Variants in BCL2 observed in about 807,000 individuals in gnomAD.
BCL2 encodes apoptosis regulator Bcl-2.
Under a neutral mutation model 14.2 loss-of-function variants are expected in BCL2, and 1 was observed. That is an observed-to-expected ratio of 0.07 (90% CI 0.02 to 0.33). The LOEUF (loss-of-function observed/expected upper bound fraction) is 0.33. BCL2 is among the 10% of genes least tolerant of loss of function. The pLI is 0.99. For synonymous variants in BCL2, 151 were observed against 137.2 expected, an observed-to-expected ratio of 1.10 and a Z score of -0.70; for missense variants, 247 against 305.9, an observed-to-expected ratio of 0.81 and a Z score of 1.44.
intron 2 of BCL2, among the ~76,000 whole-genome samples, chr18:63,268,563 C>G (rs1195966790): frequency 6.6e-6 from 1 of 152,182 alleles, no homozygotes; most frequent in Admixed American, 6.5e-5. Context: ...CTCCAAACCT[C>G]CTTCTGGCTC....
At chr18:63,175,170 T>C (rs1341224073) in intron 2 of BCL2, among the ~76,000 whole-genome samples, 1 of 152,158 alleles carries the variant, frequency 6.6e-6, no homozygotes. Context: ...CTAGCATTCA[T>C]GAAAAAATAC....
chr18:63,164,432 T>C (rs1386163622), intron 2 of BCL2, among the ~76,000 whole-genome samples: 1 of 152,200 alleles, frequency 6.6e-6, no homozygotes, highest in South Asian at 2.1e-4. Flanking sequence ...GAAAACCTCA[T>C]CCTGGTGGTC....
chr18:63,278,639 A>G (rs1356952962), intron 2 of BCL2, among the ~76,000 whole-genome samples: 2 of 152,142 alleles, frequency 1.3e-5, no homozygotes, highest in Non-Finnish European at 1.5e-5. Flanking sequence ...TTGTCCTTGT[A>G]GAAGTTGGAC....
At chr18:63,162,968 C>A (rs138720985) in intron 2 of BCL2, among the ~76,000 whole-genome samples, 2 of 152,316 alleles carry the variant, frequency 1.3e-5, no homozygotes, top group Non-Finnish European at 2.9e-5. Flanking sequence ...GATCCTCTTG[C>A]CTCAACCTCC....
chr18:63,288,601 A>G (rs925653648), intron 2 of BCL2, among the ~76,000 whole-genome samples: 1 of 152,198 alleles, frequency 6.6e-6, no homozygotes, highest in Non-Finnish European at 1.5e-5. Context: ...TCTTTTGTCC[A>G]TATTTCAGAG....
At chr18:63,132,172 A>T (rs1472470012) in intron 2 of BCL2, among the ~76,000 whole-genome samples, 1 of 152,152 alleles carries the variant, frequency 6.6e-6, no homozygotes. Flanking sequence ...CCTGGCTTTG[A>T]TATTTTATTA....
chr18:63,155,284 C>A (rs2144612419), intron 2 of BCL2, among the ~76,000 whole-genome samples: 1 of 152,356 alleles, frequency 6.6e-6, no homozygotes, highest in East Asian at 1.9e-4. Context: ...AGGGCCACAG[C>A]ACGTCTCCTG....
At chr18:63,266,637 T>TCTCTCTCTCTCTCTCTCTCACACA (rs1491465885) in intron 2 of BCL2, among the ~76,000 whole-genome samples, 2 of 85,940 alleles carry the variant, frequency 2.3e-5, no homozygotes, top group African/African-American at 7.2e-5. Flanking sequence ...TCTCTCTCTC[T>TCTCTCTCTCTCTCTCTCTCACACA]CACACACACA....
In BCL2 at chr18:63,212,241, T is replaced by TGG. The variant is rs1910039528; in HGVS notation, c.586-83483_586-83482insCC. Among the ~76,000 whole-genome samples the TGG allele has an allele frequency of 1.3e-5, 2 of 151,224 alleles. 1 individual carries two copies. Among genetic ancestry groups the TGG allele is most frequent in the Non-Finnish European group, 3.0e-5 (2 of 67,636 alleles). ...CTCGGGAGGCTGAGGCGAGACAGAA[T>TGG]TGCTTGAACCCAGGAGGCAGAGGTT... On this transcript the variant is annotated intron_variant, in intron 2 of 2. Coordinates refer to ENST00000333681, the MANE Select transcript of BCL2 (RefSeq NM_000633.3).
At chr18:63,255,209 C>A (rs1387434397) in intron 2 of BCL2, among the ~76,000 whole-genome samples, 1 of 152,210 alleles carries the variant, frequency 6.6e-6, no homozygotes, top group Non-Finnish European at 1.5e-5. Context: ...GTCACCTTCT[C>A]TAGTTTCATA....
At chr18:63,295,144 A>C (rs1222161389) in intron 2 of BCL2, among the ~76,000 whole-genome samples, 2 of 151,812 alleles carry the variant, frequency 1.3e-5, no homozygotes, top group African/African-American at 4.8e-5. Context: ...AGCCTGGGAG[A>C]CAGAGCGAGA....
chr18:63,237,232 A>G (rs1910865097), intron 2 of BCL2, among the ~76,000 whole-genome samples: 1 of 151,970 alleles, frequency 6.6e-6, no homozygotes, highest in South Asian at 2.1e-4. Context: ...GCACCATCCC[A>G]TCCAAGGAGT....
intron 2 of BCL2, among the ~76,000 whole-genome samples, chr18:63,156,264 G>A (rs1240415178): frequency 6.6e-6 from 1 of 152,132 alleles, no homozygotes; most frequent in Non-Finnish European, 1.5e-5. Context: ...TTTCCCGTTT[G>A]TGTCAATCTA....
At chr18:63,130,839 T>C (rs1241751324) in intron 2 of BCL2, among the ~76,000 whole-genome samples, 1 of 152,216 alleles carries the variant, frequency 6.6e-6, no homozygotes. Flanking sequence ...TCATCAATAT[T>C]GCTTCCAGAC....
chr18:63,318,980 A>C lies in BCL2; in HGVS notation c.-286-28T>G. The stretch of plus-strand genomic sequence containing the variant: ...GAAAGGTTAAAGAAAAAACAAACTA[A>C]TAAGTAAAAAATCAGGTGCGTTTCC... On this transcript the variant is annotated intron_variant, in intron 1 of 2. Transcript: ENST00000333681. This position sits in a 1 kb window ranked among gnomAD's most constrained non-coding sequence, Gnocchi z 7.4. The C allele has an allele frequency of 3.2e-6, 4 of 1,251,084 alleles. No individual in the cohort carries two copies. Among genetic ancestry groups the C allele is most frequent in the East Asian group, 4.0e-5 (1 of 24,858 alleles). 77.5% of individuals were successfully genotyped at this position (1,251,084 alleles called of 1,614,324 possible).
intron 2 of BCL2, among the ~76,000 whole-genome samples, chr18:63,194,586 G>T (rs1208577343): frequency 6.6e-6 from 1 of 152,148 alleles, no homozygotes; most frequent in African/African-American, 2.4e-5. Context: ...ACTCTATACT[G>T]TAGCATAGAG....
chr18:63,260,245 T>A (rs1911615891), intron 2 of BCL2, among the ~76,000 whole-genome samples: 1 of 152,142 alleles, frequency 6.6e-6, no homozygotes, highest in Non-Finnish European at 1.5e-5. Context: ...ATTCCATACA[T>A]ACACACACAT....
At chr18:63,144,456 T>A (rs1914455287) in intron 2 of BCL2, among the ~76,000 whole-genome samples, 1 of 152,094 alleles carries the variant, frequency 6.6e-6, no homozygotes, top group Non-Finnish European at 1.5e-5. Flanking sequence ...CAGGACTATA[T>A]GACTGCCAGG....
intron 2 of BCL2, chr18:63,207,833 A>T (rs995684474): frequency 6.6e-6 from 1 of 152,234 alleles, no homozygotes; most frequent in African/African-American, 2.4e-5. Flanking sequence ...ATTTAAGCTT[A>T]CACAGACTCT....
Sources: allele counts gnomAD v4.1 joint callset (sites outside exome capture counted in the v4.1 genomes callset), GRCh38; gene constraint gnomAD v4.1.1; non-coding constraint Gnocchi (gnomAD v3.1); transcripts MANE v1.5; gene names NCBI Gene and HGNC (gene_info 2026-07-23, HGNC 2026-07-21).